Variants in CRY1 observed in about 807,000 individuals in gnomAD.
The protein encoded by CRY1 is cryptochrome-1.
A neutral mutation model predicts 76.0 loss-of-function variants in CRY1; 45 were observed. The observed-to-expected ratio is 0.59, with a 90% CI of 0.47 to 0.76. The LOEUF (loss-of-function observed/expected upper bound fraction) is 0.76. Ranked by LOEUF, CRY1 falls within the 30% of genes least tolerant of loss-of-function variation. The probability of loss-of-function intolerance (pLI) is 0.00; values close to 1 mark genes in which losing one functional copy is unlikely to be tolerated. For missense variants in CRY1, 587 were observed against 716.4 expected, an observed-to-expected ratio of 0.82 and a Z score of 2.06; for synonymous variants, 248 against 244.0, an observed-to-expected ratio of 1.02 and a Z score of -0.15.
intron 1 of CRY1, among the ~76,000 whole-genome samples, chr12:107,066,786 C>T (rs1246301229): frequency 6.6e-6 from 1 of 151,464 alleles, no homozygotes; most frequent in Non-Finnish European, 1.5e-5. Context: ...GTTGTTGTTG[C>T]TGTTGTTTGT....
intron 7 of CRY1, among the ~76,000 whole-genome samples, chr12:106,998,415 G>T (rs766710624): frequency 2.6e-5 from 4 of 152,142 alleles, no homozygotes; most frequent in Non-Finnish European, 4.4e-5. Context: ...CCACTTTCAA[G>T]AAAGCAAAAA....
At chr12:107,023,540 A>C (rs1952579530) in intron 1 of CRY1, among the ~76,000 whole-genome samples, 1 of 152,176 alleles carries the variant, frequency 6.6e-6, no homozygotes, top group Admixed American at 6.5e-5. Flanking sequence ...CATTTCACCA[A>C]ATAAGTCTTG....
chr12:107,003,268 T>C (rs1359254800), intron 3 of CRY1, among the ~76,000 whole-genome samples: 1 of 152,224 alleles, frequency 6.6e-6, no homozygotes, highest in Non-Finnish European at 1.5e-5. Context: ...AAAAAATAAC[T>C]AGCTTTGCCA....
At chr12:107,050,780 G>C (rs910724039) in intron 1 of CRY1, among the ~76,000 whole-genome samples, 8 of 152,296 alleles carry the variant, frequency 5.3e-5, no homozygotes, top group Non-Finnish European at 1.0e-4. Context: ...AGATGACAGA[G>C]ACAGACTAAC....
rs183261204 is a variant in CRY1, at chr12:107,059,248, T to C, written c.158+33556A>G. Among the ~76,000 whole-genome samples, 626 of 152,128 alleles carry C rather than the reference T, an allele frequency of 4.1e-3. 3 individuals are homozygous for C. Among genetic ancestry groups the C allele is most frequent in the African/African-American group, 0.014 (600 of 41,456 alleles). On this transcript the variant is annotated intron_variant, in intron 1 of 12. Coordinates refer to ENST00000008527, the MANE Select transcript of CRY1 (RefSeq NM_004075.5). ...ATCATAACCAAAAATGGGACATGAA[T>C]AGAGATTTTGTTTATTTTTCTGAAA...
At chr12:107,058,377 T>A (rs570715508) in intron 1 of CRY1, among the ~76,000 whole-genome samples, 1 of 151,922 alleles carries the variant, frequency 6.6e-6, no homozygotes, top group African/African-American at 2.4e-5. Context: ...AAGATAAACC[T>A]CTTGGCAAGA....
At chr12:107,068,415 C>T (rs1953138642) in intron 1 of CRY1, among the ~76,000 whole-genome samples, 1 of 152,150 alleles carries the variant, frequency 6.6e-6, no homozygotes, top group Non-Finnish European at 1.5e-5. Flanking sequence ...CCTGCCTCAG[C>T]CTCCTGAGTA....
chr12:107,034,027 G>T (rs1183730374), intron 1 of CRY1, among the ~76,000 whole-genome samples: 1 of 151,634 alleles, frequency 6.6e-6, no homozygotes, highest in Non-Finnish European at 1.5e-5. Flanking sequence ...AGTACTTCCA[G>T]GAAGTTAGGC....
chr12:107,084,984 A>C (rs1043763151), intron 1 of CRY1, among the ~76,000 whole-genome samples: 5 of 151,684 alleles, frequency 3.3e-5, no homozygotes, highest in African/African-American at 4.8e-5. Context: ...AAAAAAAAAA[A>C]AACCCATCAA....
intron 1 of CRY1, among the ~76,000 whole-genome samples, chr12:107,042,090 T>TA (rs968533669): frequency 2.1e-4 from 32 of 151,126 alleles, no homozygotes; most frequent in African/African-American, 7.3e-4. Context: ...ACCCAAAGAG[T>TA]AAAAAAAATA....
chr12:107,017,560 C>T (rs1267374035), intron 2 of CRY1, among the ~76,000 whole-genome samples: 5 of 152,264 alleles, frequency 3.3e-5, no homozygotes, highest in Admixed American at 6.5e-5. Flanking sequence ...CTATATGTGG[C>T]CTCCCAAAGT....
At chr12:107,005,946 A>G (rs1209092572) in intron 2 of CRY1, among the ~76,000 whole-genome samples, 1 of 152,100 alleles carries the variant, frequency 6.6e-6, no homozygotes, top group Non-Finnish European at 1.5e-5. Context: ...TTAAGGAGAA[A>G]GTTTTTTTTT....
chr12:107,022,319 T>C (rs139392293), intron 1 of CRY1, 127 bp from the exon 2 acceptor site: 11 of 421,088 alleles, frequency 2.6e-5, no homozygotes, highest in African/African-American at 1.5e-4. Context: ...CCTATTGATA[T>C]ATACTTTTTC....
intron 1 of CRY1, among the ~76,000 whole-genome samples, chr12:107,064,792 T>C (rs959933383): frequency 4.6e-5 from 7 of 152,152 alleles, no homozygotes; most frequent in African/African-American, 1.7e-4. Context: ...ATTAGTAAAC[T>C]TCAAACAGTA....
Position 107,001,277 on chromosome 12 carries a change from T to C in CRY1, c.684+3A>G, listed in dbSNP as rs947984839. The C allele has an allele frequency of 1.2e-6, 2 of 1,608,718 alleles. No homozygotes were observed. Among genetic ancestry groups the C allele is most frequent in the Non-Finnish European group, 1.7e-6 (2 of 1,175,866 alleles). On this transcript the variant is annotated splice_donor_region_variant and intron_variant, in intron 5 of 12. Coordinates refer to ENST00000008527, the MANE Select transcript of CRY1 (RefSeq NM_004075.5). The stretch of plus-strand genomic sequence containing the variant: ...CATAGCTATATAATCTACATTATCA[T>C]ACTTTTCTTTCCAAATGCCTTTCCA...
intron 2 of CRY1, among the ~76,000 whole-genome samples, chr12:107,010,693 T>G (rs1221756436): frequency 6.6e-6 from 1 of 152,056 alleles, no homozygotes; most frequent in Non-Finnish European, 1.5e-5. Context: ...ATCCTCCCAT[T>G]TCAGCCTCCT....
At chr12:107,085,730 T>C (rs79819316) in intron 1 of CRY1, among the ~76,000 whole-genome samples, 1,895 of 152,112 alleles carry the variant, frequency 0.012, 33 homozygotes, top group African/African-American at 0.043. Context: ...AAAACCTAGA[T>C]GACAGGTTGA....
chr12:107,046,174 T>C (rs1232472071), intron 1 of CRY1, among the ~76,000 whole-genome samples: 8 of 150,352 alleles, frequency 5.3e-5, no homozygotes. Flanking sequence ...ACACCTGTCA[T>C]CCCAGCTACT....
intron 2 of CRY1, among the ~76,000 whole-genome samples, chr12:107,014,774 AC>A (rs1284729455): frequency 2.0e-5 from 3 of 152,000 alleles, no homozygotes; most frequent in Non-Finnish European, 2.9e-5. Flanking sequence ...TGGTTCCAGG[AC>A]CCCCTGTGGA....
Sources: allele counts gnomAD v4.1 joint callset (sites outside exome capture counted in the v4.1 genomes callset), GRCh38; gene constraint gnomAD v4.1.1; transcripts MANE v1.5; gene names NCBI Gene and HGNC (gene_info 2026-07-23, HGNC 2026-07-21).